The following GPR63 variants were observed in gnomAD, a reference collection of about 807,000 sequenced individuals.
GPR63 encodes the protein probable G protein-coupled receptor 63.
In GPR63, 12 loss-of-function variants were observed where a neutral mutation model predicts 23.1. That is an observed-to-expected ratio of 0.52 (90% CI 0.33 to 0.84). The LOEUF (loss-of-function observed/expected upper bound fraction) is 0.84. Ranked by LOEUF, GPR63 falls within the 40% of genes least tolerant of loss-of-function variation. GPR63 has a pLI of 0.02. For missense variants in GPR63, 472 were observed against 515.6 expected (o/e 0.92, Z 0.82); for synonymous variants, 172 against 191.1 (o/e 0.90, Z 0.82).
chr6:96,808,515 G>C (rs1037812195), intron 1 of GPR63, among the ~76,000 whole-genome samples: 3 of 152,108 alleles, frequency 2.0e-5, no homozygotes, highest in Non-Finnish European at 2.9e-5. Context: ...AATCCCAATA[G>C]AACTGAATAT....
At chr6:96,801,460 A>G (rs1313293546) in intron 1 of GPR63, among the ~76,000 whole-genome samples, 1 of 152,122 alleles carries the variant, frequency 6.6e-6, no homozygotes, top group Non-Finnish European at 1.5e-5. Context: ...CAGCTTCCCA[A>G]AGTGTTGGGA....
intron 1 of GPR63, among the ~76,000 whole-genome samples, chr6:96,826,823 T>C (rs1020732565): frequency 1.3e-5 from 2 of 151,648 alleles, no homozygotes; most frequent in Non-Finnish European, 2.9e-5. Flanking sequence ...AGAAAATACA[T>C]CATGGAAAAA....
intron 1 of GPR63, among the ~76,000 whole-genome samples, chr6:96,821,076 T>A (rs1388500620): frequency 6.6e-6 from 1 of 152,220 alleles, no homozygotes; most frequent in Non-Finnish European, 1.5e-5. Context: ...GCCTGGTTGC[T>A]ATTTACAAAC....
At chr6:96,833,809 A>T (rs2127963131) in intron 1 of GPR63, among the ~76,000 whole-genome samples, 1 of 136,138 alleles carries the variant, frequency 7.3e-6, no homozygotes, top group African/African-American at 2.9e-5. Flanking sequence ...TTGGTACAGT[A>T]TCTGGCTGGG....
intron 1 of GPR63, among the ~76,000 whole-genome samples, chr6:96,810,061 T>C (rs1362573925): frequency 6.6e-6 from 1 of 152,204 alleles, no homozygotes; most frequent in Non-Finnish European, 1.5e-5. Flanking sequence ...AGGCAGTATT[T>C]CTTAATATTA....
rs1045673628 is a variant in GPR63, at chr6:96,795,204, G to A, written c.*3268C>T. The A allele has an allele frequency of 7.2e-5, 11 of 152,090 alleles. No homozygotes were observed. The highest frequency in any genetic ancestry group is 6.6e-4 in the Admixed American group (10 of 15,260). 9.4% of individuals were successfully genotyped at this position (152,090 alleles called of 1,614,324 possible). A position where few individuals can be genotyped will look rare whatever the true frequency, so the allele number is the denominator to read the frequency against. ...AAACATGTATTAAAGTTTAAATAAT[G>A]TTACTCCATACTATTTGGAATTTCC... On this transcript the variant is annotated 3_prime_UTR_variant, in exon 2 of 2. Coordinates refer to ENST00000229955, the MANE Select transcript of GPR63 (RefSeq NM_030784.4).
At chr6:96,808,942 C>T (rs1477012825) in intron 1 of GPR63, among the ~76,000 whole-genome samples, 1 of 146,840 alleles carries the variant, frequency 6.8e-6, no homozygotes, top group Admixed American at 6.9e-5. Flanking sequence ...CACCCCACAA[C>T]AGTCCCCAGA....
At chr6:96,833,210 C>T (rs758515661) in intron 1 of GPR63, among the ~76,000 whole-genome samples, 2 of 152,192 alleles carry the variant, frequency 1.3e-5, no homozygotes, top group Admixed American at 6.5e-5. Flanking sequence ...ATTTTTCCCT[C>T]TTGAAGACAA....
At chr6:96,806,525 G>A (rs1195728610) in intron 1 of GPR63, among the ~76,000 whole-genome samples, 1 of 152,202 alleles carries the variant, frequency 6.6e-6, no homozygotes. Context: ...ATTTACTGGT[G>A]TTTTAGGTGT....
intron 1 of GPR63, among the ~76,000 whole-genome samples, chr6:96,805,805 A>G (rs1483423745): frequency 6.6e-6 from 1 of 152,248 alleles, no homozygotes; most frequent in Non-Finnish European, 1.5e-5. Context: ...TAGAGTCACC[A>G]TCAAGGACTT....
chr6:96,798,195 GA>G lies in GPR63; in HGVS notation c.*276del, dbSNP rs1360893979. ...AAAGCACAATCCTGATTCCCACTAT[GA>G]AAACAAAATCAATCAAGGAAAAACC... is the stretch of plus-strand genomic sequence containing the variant. On this transcript the variant is annotated 3_prime_UTR_variant, in exon 2 of 2. Transcript: ENST00000229955. 2 of 343,298 alleles carry G rather than the reference GA, an allele frequency of 5.8e-6. No homozygotes were observed. The highest frequency in any genetic ancestry group is 4.2e-5 in the African/African-American group (2 of 48,172). The allele number at this position is 343,298 out of a possible 1,614,324, so 21.3% of individuals were successfully genotyped here.
chr6:96,829,103 A>T (rs1439154112), intron 1 of GPR63, among the ~76,000 whole-genome samples: 2 of 152,260 alleles, frequency 1.3e-5, no homozygotes, highest in Non-Finnish European at 2.9e-5. Flanking sequence ...AACATGAAGA[A>T]GGATAAAGAT....
intron 1 of GPR63, among the ~76,000 whole-genome samples, chr6:96,824,872 G>C (rs1774400634): frequency 6.6e-6 from 1 of 152,096 alleles, no homozygotes; most frequent in African/African-American, 2.4e-5. Context: ...AACACTAAAA[G>C]CTTTGCAAGA....
rs966707118 is a variant in GPR63 at position 96,797,875 on chromosome 6, A to G, written c.*597T>C. The G allele has an allele frequency of 6.6e-6, 1 of 152,332 alleles. No individual in the cohort carries two copies. Among genetic ancestry groups the G allele is most frequent in the Non-Finnish European group, 1.5e-5 (1 of 68,116 alleles). The allele number at this position is 152,332 out of a possible 1,614,324, so 9.4% of individuals were successfully genotyped here. A position where few individuals can be genotyped will look rare whatever the true frequency, so the allele number is the denominator to read the frequency against. ...TATCTTCCCATAAATGATAATGCACATTTCCTAAAGCACATATCATGTATA... is the reference window on the plus strand; with the variant it reads ...TATCTTCCCATAAATGATAATGCACGTTTCCTAAAGCACATATCATGTATA... On this transcript the variant is annotated 3_prime_UTR_variant, in exon 2 of 2. Coordinates refer to ENST00000229955, the MANE Select transcript of GPR63 (RefSeq NM_030784.4).
intron 1 of GPR63, among the ~76,000 whole-genome samples, chr6:96,807,088 A>T (rs549930667): frequency 2.6e-5 from 4 of 152,370 alleles, no homozygotes; most frequent in African/African-American, 9.6e-5. Flanking sequence ...ATTCATTCAT[A>T]GACAGTAGCT....
chr6:96,798,486 G>C lies in GPR63; in HGVS notation c.1246C>G (p.Arg416Gly). The change falls in exon 2 of 2, where the codon CGG becomes GGG. Residue 416 changes from arginine to glycine, a missense_variant. Transcript: ENST00000229955. ...PSAVYVCGEH[R>G]TVV ...AGTTCCAATATTCACACCACCGTCC[G>C]ATGTTCCCCACACACATAGACAGCA... 6.2e-7 allele frequency: 1 copy of C among 1,612,586 alleles called. No individual in the cohort carries two copies. Among genetic ancestry groups the C allele is most frequent in the Non-Finnish European group, 8.5e-7 (1 of 1,178,768 alleles).
At chr6:96,827,942 A>G (rs1774484475) in intron 1 of GPR63, among the ~76,000 whole-genome samples, 1 of 152,164 alleles carries the variant, frequency 6.6e-6, no homozygotes, top group Non-Finnish European at 1.5e-5. Flanking sequence ...GGGTGGAAAG[A>G]TAATAATGAA....
chr6:96,830,217 T>C (rs1371580420), intron 1 of GPR63, among the ~76,000 whole-genome samples: 4 of 152,204 alleles, frequency 2.6e-5, no homozygotes, highest in Non-Finnish European at 4.4e-5. Context: ...TATTCAATTT[T>C]TTAAACTTAA....
chr6:96,807,907 C>T (rs767144515), intron 1 of GPR63, among the ~76,000 whole-genome samples: 12 of 152,100 alleles, frequency 7.9e-5, no homozygotes, highest in Non-Finnish European at 1.2e-4. Flanking sequence ...GATGATGGAA[C>T]GATTGCACAG....
Sources: gnomAD v4.1 joint callset for allele counts (sites outside exome capture counted in the v4.1 genomes callset) on GRCh38, gnomAD v4.1.1 for gene constraint, MANE v1.5 for transcripts, NCBI Gene and HGNC (gene_info 2026-07-23, HGNC 2026-07-21) for gene names.